Variants in BICD2 observed in about 807,000 individuals in gnomAD.
The protein encoded by BICD2 is protein bicaudal D homolog 2.
In BICD2, 25 loss-of-function variants were observed where a neutral mutation model predicts 72.9. The ratio of observed to expected loss-of-function variants is 0.34; its 90% confidence interval spans 0.25 to 0.48. The LOEUF (loss-of-function observed/expected upper bound fraction) is 0.48. Among genes scored for constraint, BICD2 ranks in the 20% least tolerant of loss-of-function variants. The pLI, the probability that BICD2 is intolerant of heterozygous loss-of-function variation, is 0.99. For missense variants in BICD2, 894 were observed against 1,175.2 expected, an observed-to-expected ratio of 0.76 and a Z score of 3.50; for synonymous variants, 501 against 516.1, an observed-to-expected ratio of 0.97 and a Z score of 0.40.
At chr9:92,725,379 C>T (rs1853548062) in intron 2 of BICD2, among the ~76,000 whole-genome samples, 1 of 152,254 alleles carries the variant, frequency 6.6e-6, no homozygotes, top group Non-Finnish European at 1.5e-5. Context: ...AGGACGCAAA[C>T]ACTGTGCTTC....
At chr9:92,723,354 C>T (rs1007478180) in intron 2 of BICD2, among the ~76,000 whole-genome samples, 1 of 152,224 alleles carries the variant, frequency 6.6e-6, no homozygotes, top group Non-Finnish European at 1.5e-5. Flanking sequence ...TGTGGTCTCT[C>T]CACACAATGG....
chr9:92,749,139 G>A (rs1451276066), intron 1 of BICD2, among the ~76,000 whole-genome samples: 1 of 152,092 alleles, frequency 6.6e-6, no homozygotes, highest in Non-Finnish European at 1.5e-5. Flanking sequence ...CTGCAAGACA[G>A]GGTGGGGCCT....
At chr9:92,715,494 G>A (rs544927575) in intron 6 of BICD2, 31 bp from the exon 7 acceptor site, 29 of 1,553,216 alleles carry the variant, frequency 1.9e-5, no homozygotes, top group South Asian at 1.1e-4. Flanking sequence ...ACTGAGGGGC[G>A]GGCAGAGCCG....
At chr9:92,745,663 G>A (rs1237098076) in intron 1 of BICD2, among the ~76,000 whole-genome samples, 2 of 152,270 alleles carry the variant, frequency 1.3e-5, no homozygotes, top group East Asian at 1.9e-4. Flanking sequence ...CCAAGGCATC[G>A]CTGCACTTCA....
intron 1 of BICD2, among the ~76,000 whole-genome samples, chr9:92,753,790 C>T (rs978631775): frequency 4.0e-5 from 6 of 151,860 alleles, no homozygotes; most frequent in African/African-American, 1.2e-4. Context: ...CCGCCTGCCT[C>T]GTCCTCCCAA....
At chr9:92,718,450 C>T in intron 5 of BICD2, 89 bp downstream of exon 5, 3 of 1,481,708 alleles carry the variant, frequency 2.0e-6, no homozygotes, top group Non-Finnish European at 9.0e-7. Context: ...CCTGGGGGGG[C>T]CCCGTGGCAG....
rs1587670005 is a variant in BICD2, at chr9:92,720,291, C to A, written c.1062+9G>T. 6.2e-7 allele frequency: 1 copy of A among 1,600,760 alleles called. No individual in the cohort carries two copies. Among genetic ancestry groups the A allele is most frequent in the South Asian group, 1.1e-5 (1 of 89,204 alleles). On this transcript the variant is annotated intron_variant, in intron 4 of 6. Coordinates refer to ENST00000356884, the MANE Select transcript of BICD2 (RefSeq NM_001003800.2). This position sits in a 1 kb window ranked among gnomAD's most constrained non-coding sequence, Gnocchi z 5.4. ...GGACAGCGTGCCGAAGGCCCCACTG[C>A]CTGCTCACCTGCATCAGCTGCTGCT...
intron 1 of BICD2, among the ~76,000 whole-genome samples, chr9:92,752,769 T>C (rs1854176773): frequency 1.3e-5 from 2 of 152,128 alleles, no homozygotes; most frequent in South Asian, 4.2e-4. Context: ...ATAAAATAAA[T>C]AAAATGAACT....
At position 92,714,781 on chromosome 9, in the gene BICD2, G is replaced by A; in HGVS notation, c.*373C>T. 9.7e-7 allele frequency: 1 copy of A among 1,034,168 alleles called. No individual in the cohort carries two copies. The highest frequency in any genetic ancestry group is 1.2e-6 in the Non-Finnish European group (1 of 862,248). The allele number at this position is 1,034,168 out of a possible 1,614,324, so 64.1% of individuals were successfully genotyped here. On this transcript the variant is annotated 3_prime_UTR_variant, in exon 7 of 7. Coordinates refer to ENST00000356884, the MANE Select transcript of BICD2 (RefSeq NM_001003800.2). ...CGAGGAACATGCAAGTCTCAACTCA[G>A]GTTCTGCCCCTTTTGGGTGCTGAGG...
chr9:92,731,366 G>T (rs1385599013), intron 1 of BICD2, among the ~76,000 whole-genome samples: 1 of 151,922 alleles, frequency 6.6e-6, no homozygotes, highest in Non-Finnish European at 1.5e-5. Flanking sequence ...CCCAGCCTGG[G>T]GCCCAAAACA....
intron 1 of BICD2, among the ~76,000 whole-genome samples, chr9:92,735,608 T>C (rs1853768213): frequency 6.6e-6 from 1 of 151,296 alleles, no homozygotes; most frequent in African/African-American, 2.4e-5. Context: ...CCCAGGGCTT[T>C]GTCAAGCAGA....
chr9:92,764,404 C>T lies in BICD2; in HGVS notation c.240+101G>A. 1.5e-6 allele frequency: 2 copies of T among 1,352,762 alleles called. No homozygotes were observed. The highest frequency in any genetic ancestry group is 3.1e-5 in the East Asian group (1 of 32,160). The allele number at this position is 1,352,762 out of a possible 1,614,324, so 83.8% of individuals were successfully genotyped here. A position where few individuals can be genotyped will look rare whatever the true frequency, so the allele number is the denominator to read the frequency against. On this transcript the variant is annotated intron_variant, in intron 1 of 6. Transcript: ENST00000356884. The surrounding 1 kb of genome is among the most constrained non-coding windows in gnomAD (Gnocchi z 5.5). ...CGCCCCGGCGGCCCACCCCTGCCGGCCCCCGCTTGGCAAGCTGACCTTGGC... is the reference window on the plus strand; with the variant it reads ...CGCCCCGGCGGCCCACCCCTGCCGGTCCCCGCTTGGCAAGCTGACCTTGGC...
chr9:92,764,504 C>T lies in BICD2; in HGVS notation c.240+1G>A. 1 of 1,515,804 alleles carries T rather than the reference C, an allele frequency of 6.6e-7. No individual in the cohort carries two copies. 93.9% of individuals were successfully genotyped at this position (1,515,804 alleles called of 1,614,324 possible). On this transcript the variant is annotated splice_donor_variant, in intron 1 of 6. Transcript: ENST00000356884. LOFTEE classifies it high-confidence loss of function. The surrounding 1 kb of genome is among the most constrained non-coding windows in gnomAD (Gnocchi z 5.5). ...TCGCAGGGCAGGGCGGCTCGGCTCA[C>T]CTCCTTGAGCTGCTCCATCTCGCTG...
chr9:92,714,059 C>T lies in BICD2; in HGVS notation c.*1095G>A. 1 of 986,122 alleles carries T rather than the reference C, an allele frequency of 1.0e-6. No individual in the cohort carries two copies. Among genetic ancestry groups the T allele is most frequent in the South Asian group, 4.7e-5 (1 of 21,336 alleles). 61.1% of individuals were successfully genotyped at this position (986,122 alleles called of 1,614,324 possible). On this transcript the variant is annotated 3_prime_UTR_variant, in exon 7 of 7. Transcript: ENST00000356884. ...AGCCTCTGGAAATGGGAGAACCCTA[C>T]AGCTACCTTTCCTCTTTCTCTGTTG... is the stretch of plus-strand genomic sequence containing the variant.
intron 1 of BICD2, among the ~76,000 whole-genome samples, chr9:92,732,879 A>G (rs928059576): frequency 4.6e-5 from 7 of 152,264 alleles, no homozygotes; most frequent in Non-Finnish European, 2.9e-5. Context: ...ATGATAATTA[A>G]ATAGGCAAAT....
chr9:92,720,968 G>A lies in BICD2; in HGVS notation c.607-213C>T, dbSNP rs1190642118. On this transcript the variant is annotated intron_variant, in intron 3 of 6. Transcript: ENST00000356884. The surrounding 1 kb of genome is among the most constrained non-coding windows in gnomAD (Gnocchi z 5.4). Reference sequence around the variant, plus strand: ...GATGTGGATGCTAAGAAGGTTCCAGGGCATGAGATGCGAATGCAATGAAAT... The same window carrying A: ...GATGTGGATGCTAAGAAGGTTCCAGAGCATGAGATGCGAATGCAATGAAAT... Among the ~76,000 whole-genome samples the A allele has an allele frequency of 6.6e-6, 1 of 152,140 alleles. No individual in the cohort carries two copies.
rs888417799 is a variant in BICD2 at position 92,713,782 on chromosome 9, G to A, written c.*1372C>T. ...GAACACGCAGGGGACATACATGGGC[G>A]TGTCCTGGAGTCTGGAGGGGACCGA... On this transcript the variant is annotated 3_prime_UTR_variant, in exon 7 of 7. Transcript: ENST00000356884. The A allele has an allele frequency of 1.8e-5, 22 of 1,227,196 alleles. No individual in the cohort carries two copies. Among genetic ancestry groups the A allele is most frequent in the East Asian group, 1.6e-4 (4 of 24,586 alleles). 76.0% of individuals were successfully genotyped at this position (1,227,196 alleles called of 1,614,324 possible). A position where few individuals can be genotyped will look rare whatever the true frequency, so the allele number is the denominator to read the frequency against.
rs1853246188 is a variant in BICD2 at position 92,713,912 on chromosome 9, C to T, written c.*1242G>A. 3 of 999,364 alleles carry T rather than the reference C, an allele frequency of 3.0e-6. No individual in the cohort carries two copies. The highest frequency in any genetic ancestry group is 2.4e-6 in the Non-Finnish European group (2 of 838,028). The allele number at this position is 999,364 out of a possible 1,614,324, so 61.9% of individuals were successfully genotyped here. ...TCGAATGCCTCTTCCGCATGAGAGACAAGGCAAGCAGCCTGCAGGAGAGAA... is the reference window on the plus strand; with the variant it reads ...TCGAATGCCTCTTCCGCATGAGAGATAAGGCAAGCAGCCTGCAGGAGAGAA... On this transcript the variant is annotated 3_prime_UTR_variant, in exon 7 of 7. Coordinates refer to ENST00000356884, the MANE Select transcript of BICD2 (RefSeq NM_001003800.2).
intron 1 of BICD2, among the ~76,000 whole-genome samples, chr9:92,733,347 C>T (rs1406998032): frequency 6.6e-6 from 1 of 151,232 alleles, no homozygotes; most frequent in Non-Finnish European, 1.5e-5. Flanking sequence ...ACCAGCCTGG[C>T]CAACATAGTG....
Sources: gnomAD v4.1 joint callset for allele counts (sites outside exome capture counted in the v4.1 genomes callset) on GRCh38, gnomAD v4.1.1 for gene constraint, Gnocchi (gnomAD v3.1) non-coding constraint, MANE v1.5 for transcripts, NCBI Gene and HGNC (gene_info 2026-07-23, HGNC 2026-07-21) for gene names.